The following EXTL3 variants were observed in gnomAD, a reference collection of about 807,000 sequenced individuals.
The protein encoded by EXTL3 is exostosin-like 3.
Under a neutral mutation model 69.3 loss-of-function variants are expected in EXTL3, and 27 were observed. The observed-to-expected ratio is 0.39, with a 90% CI of 0.29 to 0.54. EXTL3 has a LOEUF of 0.54. Ranked by LOEUF, EXTL3 falls within the 20% of genes least tolerant of loss-of-function variation. EXTL3 has a pLI of 0.69. For synonymous variants in EXTL3, 511 were observed against 499.4 expected (o/e 1.02, Z -0.31); for missense variants, 1,003 against 1,231.8 (o/e 0.81, Z 2.78).
At chr8:28,612,463 T>TAAA (rs111303829) in intron 2 of EXTL3, among the ~76,000 whole-genome samples, 1 of 127,154 alleles carries the variant, frequency 7.9e-6, no homozygotes, top group African/African-American at 2.9e-5. Context: ...CTCCATCTCT[T>TAAA]AAAAAAAAAA....
At chr8:28,693,966 T>A (rs185364016) in intron 1 of EXTL3, among the ~76,000 whole-genome samples, 1 of 152,366 alleles carries the variant, frequency 6.6e-6, no homozygotes, top group African/African-American at 2.4e-5. Flanking sequence ...TAAGTTCTTA[T>A]CTGACTTAAC....
At chr8:28,697,647 C>G (rs957220137), upstream of EXTL3, 25 of 151,984 alleles carry the variant, frequency 1.6e-4, no homozygotes, top group African/African-American at 5.3e-4. Context: ...TCAGCCTGGG[C>G]AACATGGTGA....
intron 1 of EXTL3, among the ~76,000 whole-genome samples, chr8:28,625,336 G>A (rs915644268): frequency 1.3e-5 from 2 of 152,176 alleles, no homozygotes; most frequent in African/African-American, 4.8e-5. Context: ...AAAGACATGA[G>A]TAGCTCTGTG....
intron 1 of EXTL3, among the ~76,000 whole-genome samples, chr8:28,648,438 A>G (rs1013922263): frequency 1.3e-5 from 2 of 152,192 alleles, no homozygotes; most frequent in Admixed American, 6.5e-5. Context: ...TCCTGCACAA[A>G]TTTTAAAAAT....
chr8:28,714,078 G>T (rs774975461), intron 2 of EXTL3, among the ~76,000 whole-genome samples: 17 of 151,658 alleles, frequency 1.1e-4, no homozygotes, highest in Non-Finnish European at 2.2e-4. Context: ...AGCTAATTTT[G>T]TATTTTTAGT....
intron 1 of EXTL3, among the ~76,000 whole-genome samples, chr8:28,632,294 C>CTGAG (rs1806581855): frequency 6.6e-6 from 1 of 151,952 alleles, no homozygotes; most frequent in South Asian, 2.1e-4. Context: ...ACTTGGAAGG[C>CTGAG]TGAGGCAGGA....
rs117683787 is a variant in EXTL3, at chr8:28,649,756, T to C, written c.-53+26946T>C. Among the ~76,000 whole-genome samples the C allele has an allele frequency of 5.1e-3, 778 of 152,332 alleles. 3 individuals are homozygous for C. The highest frequency in any genetic ancestry group is 8.8e-3 in the Non-Finnish European group (599 of 68,028). ...CAGCCATTTCACAATAATTTCTTTG[T>C]GGTTTATGCTTTCAAGTCTTATTCT... On this transcript the variant is annotated intron_variant, in intron 1 of 6. Transcript: ENST00000523149.
intron 1 of EXTL3, among the ~76,000 whole-genome samples, chr8:28,648,443 A>T (rs570993116): frequency 6.6e-6 from 1 of 152,308 alleles, no homozygotes; most frequent in South Asian, 2.1e-4. Flanking sequence ...CACAAATTTT[A>T]AAAATTATCA....
intron 1 of EXTL3, among the ~76,000 whole-genome samples, chr8:28,645,837 T>G (rs943954420): frequency 6.6e-6 from 1 of 151,742 alleles, no homozygotes; most frequent in Admixed American, 6.6e-5. Flanking sequence ...ACTTTTTTTT[T>G]TTTTTTAAAG....
At chr8:28,743,249 TG>T (rs746402794) in intron 6 of EXTL3, 35 bp downstream of exon 6, 29 of 1,613,654 alleles carry the variant, frequency 1.8e-5, no homozygotes, top group Non-Finnish European at 2.4e-5. Flanking sequence ...TGTGGATGCG[TG>T]CATGTTTACT....
Position 28,638,896 on chromosome 8 carries a change from A to C in EXTL3, c.-53+16086A>C, listed in dbSNP as rs189734634. Among the ~76,000 whole-genome samples the C allele has an allele frequency of 2.5e-3, 383 of 150,294 alleles. 2 individuals carry two copies. Among genetic ancestry groups the C allele is most frequent in the Non-Finnish European group, 4.9e-3 (335 of 67,750 alleles). ...TCCGCCCACCTCAACGTCCCAAAAT[A>C]CTGGGATTACAGGTGTGAGCCACTG... On this transcript the variant is annotated intron_variant, in intron 1 of 6. Transcript: ENST00000523149.
intron 1 of EXTL3, among the ~76,000 whole-genome samples, chr8:28,657,903 A>G (rs1807037771): frequency 6.6e-6 from 1 of 152,176 alleles, no homozygotes; most frequent in Non-Finnish European, 1.5e-5. Context: ...ATAGAGGTTT[A>G]CTTAATCGAC....
Position 28,717,287 on chromosome 8 carries a change from A to G in EXTL3, c.1228A>G (p.Thr410Ala). Residue 410 changes from threonine (T) to alanine (A), a missense_variant, in exon 3 of 7, where the codon ACT (threonine) becomes GCT (alanine). Transcript: ENST00000220562. This position sits in a 1 kb window ranked among gnomAD's most constrained non-coding sequence, Gnocchi z 8.3. ...CKNQPKPSLPTEWALCGERED... is the reference protein window; with the variant it reads ...CKNQPKPSLPAEWALCGERED... The stretch of plus-strand genomic sequence containing the variant: ...AAACCAGCCCAAACCCAGCCTGCCG[A>G]CTGAGTGGGCACTGTGTGGAGAGCG... 1 of 1,614,238 alleles carries G rather than the reference A, an allele frequency of 6.2e-7. No individual in the cohort carries two copies. The highest frequency in any genetic ancestry group is 2.2e-5 in the East Asian group (1 of 44,876).
chr8:28,743,358 T>A, intron 6 of EXTL3, 144 bp downstream of exon 6: 1 of 1,000,796 alleles, frequency 1.0e-6, no homozygotes, highest in Non-Finnish European at 1.6e-6. Context: ...CAAAGGATTG[T>A]CTGTGAGCTT....
intron 4 of EXTL3, among the ~76,000 whole-genome samples, chr8:28,735,792 A>G (rs912185630): frequency 6.6e-6 from 1 of 152,242 alleles, no homozygotes; most frequent in Non-Finnish European, 1.5e-5. Context: ...AGATACAATC[A>G]ATCATAAGGG....
intron 1 of EXTL3, chr8:28,710,317 G>A: frequency 2.8e-6 from 1 of 352,304 alleles, no homozygotes; most frequent in South Asian, 2.1e-5. Flanking sequence ...AGCTCTGGGA[G>A]GTGAAGGCAG....
At chr8:28,614,748 A>G (rs996410019) in intron 2 of EXTL3, among the ~76,000 whole-genome samples, 1 of 152,196 alleles carries the variant, frequency 6.6e-6, no homozygotes, top group Non-Finnish European at 1.5e-5. Context: ...ATTTTCATTT[A>G]GTTCAAAATG....
At position 28,613,728 on chromosome 8, in the gene EXTL3, T is replaced by G. The variant is rs188416641; in HGVS notation, n.314+5970T>G. Among the ~76,000 whole-genome samples, 16 of 152,314 alleles carry G rather than the reference T, an allele frequency of 1.1e-4. No homozygotes were observed. In the East Asian group the frequency reaches 2.7e-3, roughly 26 times the overall value. On this transcript the variant is annotated intron_variant and non_coding_transcript_variant, in intron 2 of 4. Transcript: ENST00000522725. ...GAGTTCAAGGAATTGGTCCATTTTA[T>G]CTAAGTTATCAAATTTCTGGGCATA...
chr8:28,643,393 T>A (rs993866295), intron 1 of EXTL3, among the ~76,000 whole-genome samples: 2 of 151,152 alleles, frequency 1.3e-5, no homozygotes, highest in Admixed American at 1.3e-4. Flanking sequence ...TTTGAACCTA[T>A]CATTCTCCTG....
Sources: allele counts gnomAD v4.1 joint callset (sites outside exome capture counted in the v4.1 genomes callset), GRCh38; gene constraint gnomAD v4.1.1; non-coding constraint Gnocchi (gnomAD v3.1); transcripts MANE v1.5; gene names NCBI Gene and HGNC (gene_info 2026-07-23, HGNC 2026-07-21).